Variants in CLEC10A observed in about 807,000 individuals in gnomAD.
CLEC10A encodes the protein C-type lectin domain containing 10A.
Under a neutral mutation model 42.0 loss-of-function variants are expected in CLEC10A, and 38 were observed. The observed-to-expected ratio is 0.90, with a 90% CI of 0.70 to 1.18. The LOEUF (loss-of-function observed/expected upper bound fraction) is 1.18. CLEC10A is among the 50% of genes most tolerant of loss of function. CLEC10A has a pLI of 0.00. For synonymous variants in CLEC10A, 126 were observed against 139.9 expected (o/e 0.90, Z 0.70); for missense variants, 298 against 345.9 (o/e 0.86, Z 1.10).
Position 7,077,114 on chromosome 17 carries a change from A to T in CLEC10A, c.185-127T>A, listed in dbSNP as rs1434846881. ...GCAACCCAGTGGGGCAGGCACTATT[A>T]TTGTTCAATATTGCCGATGAGGAAA... On this transcript the variant is annotated intron_variant, in intron 3 of 8. Coordinates refer to ENST00000416562, the MANE Select transcript of CLEC10A (RefSeq NM_001330070.2). 4 of 672,612 alleles carry T rather than the reference A, an allele frequency of 5.9e-6. No homozygotes were observed. In the East Asian group the frequency reaches 1.1e-4, roughly 18 times the overall value. The allele number at this position is 672,612 out of a possible 1,614,324, so 41.7% of individuals were successfully genotyped here.
chr17:7,077,972 C>T (rs1597360635), intron 3 of CLEC10A, 25 bp downstream of exon 3: 1 of 1,535,258 alleles, frequency 6.5e-7, no homozygotes, highest in Admixed American at 1.7e-5. Context: ...TTTCTCTCTT[C>T]CCTGTCCACC....
Position 7,076,975 on chromosome 17 carries a change from T to G in CLEC10A, c.197A>C (p.Gln66Pro), listed in dbSNP as rs1369506174. 6.2e-7 allele frequency: 1 copy of G among 1,613,068 alleles called. No individual in the cohort carries two copies. The highest frequency in any genetic ancestry group is 1.3e-5 in the African/African-American group (1 of 74,780). The stretch of plus-strand genomic sequence containing the variant: ...TGTTCTCAGGGTCACCAGGTCCCTC[T>G]GAAATTTGGAATCTAAACAGGTGGA... ...CVVGFQNSKF[Q>P]RDLVTLRTDF... is the part of the protein sequence containing the mutation. The change falls in exon 4 of 9, where the codon CAG becomes CCG. Residue 66 changes from glutamine to proline, a missense_variant. Gln to Pro is a moderately conservative substitution (Grantham distance 76, BLOSUM62 -1). Around this residue, in one of 3 missense-constraint regions of CLEC10A, gnomAD observed 267 missense variants for 289.5 expected, o/e 0.92. Coordinates refer to ENST00000416562, the MANE Select transcript of CLEC10A (RefSeq NM_001330070.2).
chr17:7,075,324 G>A (rs368116399), intron 8 of CLEC10A, 36 bp downstream of exon 8: 59 of 1,507,006 alleles, frequency 3.9e-5, no homozygotes, highest in Non-Finnish European at 4.5e-5. Context: ...AAACGCTGAC[G>A]GAGGACATTG....
chr17:7,075,009 C>A lies in CLEC10A; in HGVS notation c.*45G>T. The A allele has an allele frequency of 6.7e-7, 1 of 1,482,868 alleles. No homozygotes were observed. 91.9% of individuals were successfully genotyped at this position (1,482,868 alleles called of 1,614,324 possible). On this transcript the variant is annotated 3_prime_UTR_variant, in exon 9 of 9. Transcript: ENST00000416562. ...CGAGGAGGTCGTGAGAAGAGTCCTC[C>A]TCCCACCGCCATTTCTGTGGCCGGG...
At chr17:7,076,141 G>A in intron 5 of CLEC10A, 70 bp from the exon 6 acceptor site, 1 of 1,613,910 alleles carries the variant, frequency 6.2e-7, no homozygotes, top group East Asian at 2.2e-5. Flanking sequence ...TGTTCCTGGA[G>A]CTCAGATACC....
rs3785798 is a variant in CLEC10A at position 7,074,746 on chromosome 17, C to G, written c.*308G>C. On this transcript the variant is annotated 3_prime_UTR_variant, in exon 9 of 9. Coordinates refer to ENST00000416562, the MANE Select transcript of CLEC10A (RefSeq NM_001330070.2). ...GGGGCGATGGCAATGTTATCTATTGCGATCGGAGTGGTAGTCACCTAGGCA... is the reference window on the plus strand; with the variant it reads ...GGGGCGATGGCAATGTTATCTATTGGGATCGGAGTGGTAGTCACCTAGGCA... 9.7e-6 allele frequency: 2 copies of G among 206,754 alleles called. No homozygotes were observed. Among genetic ancestry groups the G allele is most frequent in the Non-Finnish European group, 1.9e-5 (2 of 104,952 alleles). The allele number at this position is 206,754 out of a possible 1,614,324, so 12.8% of individuals were successfully genotyped here.
Position 7,075,029 on chromosome 17 carries a change from G to A in CLEC10A, c.*25C>T, listed in dbSNP as rs773095830. 6.6e-6 allele frequency: 10 copies of A among 1,522,282 alleles called. No individual in the cohort carries two copies. The East Asian group carries it at 2.2e-4, about 34-fold the overall frequency. The allele number at this position is 1,522,282 out of a possible 1,614,324, so 94.3% of individuals were successfully genotyped here. A position where few individuals can be genotyped will look rare whatever the true frequency, so the allele number is the denominator to read the frequency against. On this transcript the variant is annotated 3_prime_UTR_variant, in exon 9 of 9. Transcript: ENST00000416562. ...TCCTCCTCCCACCGCCATTTCTGTGGCCGGGTGGTCCCACCAAAGGCAGCT... is the reference window on the plus strand; with the variant it reads ...TCCTCCTCCCACCGCCATTTCTGTGACCGGGTGGTCCCACCAAAGGCAGCT...
Position 7,076,132 on chromosome 17 carries a change from G to A in CLEC10A, c.353-61C>T, listed in dbSNP as rs1402895142. On this transcript the variant is annotated intron_variant, in intron 5 of 8. Transcript: ENST00000416562. ...CCTAGGTGTGCCTTCTGCGTAGTGT[G>A]TTCCTGGAGCTCAGATACCCCTGCA... 1.2e-5 allele frequency: 20 copies of A among 1,613,964 alleles called. No individual in the cohort carries two copies. The highest frequency in any genetic ancestry group is 1.7e-5 in the Non-Finnish European group (20 of 1,179,976).
intron 4 of CLEC10A, 41 bp downstream of exon 4, chr17:7,076,851 G>A: frequency 1.2e-6 from 2 of 1,613,574 alleles, no homozygotes; most frequent in Non-Finnish European, 1.7e-6. Context: ...CCTCCTCCCT[G>A]GCCTGGCCCC....
At chr17:7,079,376 A>G (rs1029083910) in intron 1 of CLEC10A, among the ~76,000 whole-genome samples, 2 of 152,104 alleles carry the variant, frequency 1.3e-5, no homozygotes, top group Non-Finnish European at 2.9e-5. Context: ...TTAGGTCAGG[A>G]GTTTGAGACC....
Position 7,074,991 on chromosome 17 carries a change from G to A in CLEC10A, c.*63C>T, listed in dbSNP as rs1911632834. 6.5e-6 allele frequency: 9 copies of A among 1,386,446 alleles called. No homozygotes were observed. The South Asian group carries it at 1.3e-4, about 21-fold the overall frequency. The allele number at this position is 1,386,446 out of a possible 1,614,324, so 85.9% of individuals were successfully genotyped here. A position where few individuals can be genotyped will look rare whatever the true frequency, so the allele number is the denominator to read the frequency against. On this transcript the variant is annotated 3_prime_UTR_variant, in exon 9 of 9. Coordinates refer to ENST00000416562, the MANE Select transcript of CLEC10A (RefSeq NM_001330070.2). ...TCTCCCAGAGCGGTCTTGCGAGGAG[G>A]TCGTGAGAAGAGTCCTCCTCCCACC...
Position 7,078,021 on chromosome 17 carries a change from T to TGACC in CLEC10A, c.156_159dup (p.Ile54GlyfsTer25), listed in dbSNP as rs1911953809. The TGACC allele has an allele frequency of 3.1e-6, 5 of 1,613,534 alleles. No individual in the cohort carries two copies. In the East Asian group the frequency reaches 1.1e-4, roughly 36 times the overall value. ...CTTTGGAATCCAACCACACAGATGA[T>TGACC]GACCAGCAGCAGGAGGCCGAGGCCC... On this transcript the variant is annotated frameshift_variant, in exon 3 of 9. Coordinates refer to ENST00000416562, the MANE Select transcript of CLEC10A (RefSeq NM_001330070.2). LOFTEE classifies it high-confidence loss of function.
In CLEC10A at chr17:7,076,763, C is replaced by A; in HGVS notation, c.322G>T (p.Val108Leu). 1 of 1,613,724 alleles carries A rather than the reference C, an allele frequency of 6.2e-7. No individual in the cohort carries two copies. Among genetic ancestry groups the A allele is most frequent in the Non-Finnish European group, 8.5e-7 (1 of 1,179,928 alleles). The change falls in exon 5 of 9, where the codon GTG (valine) becomes TTG (leucine). Residue 108 changes from valine (V) to leucine (L), a missense_variant. By Grantham distance (32) the Val-to-Leu change is conservative. Transcript: ENST00000416562. ...TGCCGTTCCTGCTTGAAACCCTCCACCTCAGCTTTCAGAGATGCTATCGTT... is the reference window on the plus strand; with the variant it reads ...TGCCGTTCCTGCTTGAAACCCTCCAACTCAGCTTTCAGAGATGCTATCGTT... ...EETIASLKAE[V>L]EGFKQERQAV...
chr17:7,076,034 C>T lies in CLEC10A; in HGVS notation c.390G>A (p.Val130=), dbSNP rs1911715866. 6.2e-7 allele frequency: 1 copy of T among 1,614,196 alleles called. No individual in the cohort carries two copies. Among genetic ancestry groups the T allele is most frequent in the Non-Finnish European group, 8.5e-7 (1 of 1,180,030 alleles). The change falls in exon 6 of 9, where the codon GTG becomes GTA. Residue 130 remains valine, a synonymous_variant. Coordinates refer to ENST00000416562, the MANE Select transcript of CLEC10A (RefSeq NM_001330070.2). The part of the protein sequence containing the change: ...SEMLLRVQQL[V]QDLKKLTCQV... ...GGCAGGTCAGTTTCTTCAGGTCTTG[C>T]ACCAGCTGCTGGACTCGCAGGAGCA...
chr17:7,075,502 A>T lies in CLEC10A; in HGVS notation c.595-36T>A, dbSNP rs201671664. The stretch of plus-strand genomic sequence containing the variant: ...AGAAGGGCAGTGGTGACTTCTTCCC[A>T]TCCCAGCCAACTCCTTAAACTAGTG... On this transcript the variant is annotated intron_variant, in intron 7 of 8. Transcript: ENST00000416562. 6.9e-5 allele frequency: 104 copies of T among 1,504,508 alleles called. No homozygotes were observed. In the African/African-American group the frequency reaches 1.4e-3, roughly 20 times the overall value. The allele number at this position is 1,504,508 out of a possible 1,614,324, so 93.2% of individuals were successfully genotyped here.
At chr17:7,077,954 C>T (rs1249019143) in intron 3 of CLEC10A, 43 bp downstream of exon 3, 1 of 1,440,380 alleles carries the variant, frequency 6.9e-7, no homozygotes, top group East Asian at 2.3e-5. Context: ...TTATCTTCTA[C>T]CCCATTATTT....
chr17:7,076,431 C>T (rs1220665530), intron 5 of CLEC10A, among the ~76,000 whole-genome samples: 1 of 151,514 alleles, frequency 6.6e-6, no homozygotes, highest in Non-Finnish European at 1.5e-5. Context: ...CTGCCTCAGC[C>T]TCCCTAGTAG....
chr17:7,079,076 T>C (rs1912031696), intron 1 of CLEC10A, among the ~76,000 whole-genome samples, 191 bp from the exon 2 acceptor site: 1 of 152,186 alleles, frequency 6.6e-6, no homozygotes, highest in Non-Finnish European at 1.5e-5. Flanking sequence ...CTAAACGCAT[T>C]GCTAGGACTA....
At chr17:7,077,862 GCCC>G in intron 3 of CLEC10A, 132 bp downstream of exon 3, 1 of 697,774 alleles carries the variant, frequency 1.4e-6, no homozygotes, top group Non-Finnish European at 2.6e-6. Context: ...CTCCACAGCT[GCCC>G]CCAACACTGT....
Sources: gnomAD v4.1 joint callset for allele counts (sites outside exome capture counted in the v4.1 genomes callset) on GRCh38, gnomAD v4.1.1 for gene constraint, gnomAD v4.1.1 regional missense constraint, MANE v1.5 for transcripts, NCBI Gene and HGNC (gene_info 2026-07-23, HGNC 2026-07-21) for gene names.